Variants in NEBL observed in about 807,000 individuals in gnomAD.
NEBL encodes the protein LIM and SH3 protein 2.
Under a neutral mutation model 140.2 loss-of-function variants are expected in NEBL, and 122 were observed. The ratio of observed to expected loss-of-function variants is 0.87; its 90% confidence interval spans 0.75 to 1.01. NEBL has a LOEUF of 1.01. NEBL is among the 50% of genes least tolerant of loss of function. The probability of loss-of-function intolerance (pLI) is 0.00; values close to 1 mark genes in which losing one functional copy is unlikely to be tolerated. For synonymous variants in NEBL, 436 were observed against 398.9 expected (o/e 1.09, Z -1.11); for missense variants, 1,365 against 1,231.3 (o/e 1.11, Z -1.62).
At chr10:20,899,365 C>T, upstream of NEBL, 1 of 1,297,836 alleles carries the variant, frequency 7.7e-7, no homozygotes. Context: ...ACCTATTCCC[C>T]AAGGTGAATT....
chr10:21,287,657 C>T (rs1031572537), intron 1 of NEBL, among the ~76,000 whole-genome samples: 2 of 151,954 alleles, frequency 1.3e-5, no homozygotes, highest in Non-Finnish European at 2.9e-5. Context: ...CTAATCAAAC[C>T]CCTATAATCC....
intron 4 of NEBL, among the ~76,000 whole-genome samples, chr10:20,929,514 T>C (rs1022518807): frequency 1.3e-5 from 2 of 152,186 alleles, no homozygotes; most frequent in Non-Finnish European, 2.9e-5. Context: ...TCATCACAGA[T>C]GCAGACAGAT....
At chr10:21,120,680 CAAAAAAAAAAA>C (rs66476160) in intron 2 of NEBL, among the ~76,000 whole-genome samples, 3 of 71,236 alleles carry the variant, frequency 4.2e-5, no homozygotes, top group Non-Finnish European at 7.8e-5. Context: ...TTCATGACAG[CAAAAAAAAAAA>C]AAAAAAAAAA....
chr10:21,261,659 A>C (rs1842740866), intron 1 of NEBL, among the ~76,000 whole-genome samples: 1 of 151,880 alleles, frequency 6.6e-6, no homozygotes, highest in African/African-American at 2.4e-5. Context: ...AAAAAAAAAG[A>C]AAGAAAGAAA....
At position 20,845,289 on chromosome 10, in the gene NEBL, T is replaced by A. The variant is rs201990747; in HGVS notation, c.1196A>T (p.His399Leu). Residue 399 changes from histidine to leucine, a missense_variant, in exon 12 of 28, where the codon CAT (histidine) becomes CTT (leucine). By Grantham distance (99) the His-to-Leu change is moderately conservative. Transcript: ENST00000377122. ...CAGAAGGTTGGTGATGTACTTTACATGTAAAAATTCTGGAGTCTTGTCTAA... is the reference window on the plus strand; with the variant it reads ...CAGAAGGTTGGTGATGTACTTTACAAGTAAAAATTCTGGAGTCTTGTCTAA... ...LDLDKTPEFL[H>L]VKYITNLLRE... 3 of 1,595,572 alleles carry A rather than the reference T, an allele frequency of 1.9e-6. No homozygotes were observed. Among genetic ancestry groups the A allele is most frequent in the Middle Eastern group, 1.7e-4 (1 of 6,014 alleles).
intron 4 of NEBL, among the ~76,000 whole-genome samples, chr10:20,919,113 C>T (rs556577115): frequency 1.3e-5 from 2 of 152,156 alleles, no homozygotes; most frequent in South Asian, 4.1e-4. Flanking sequence ...AAATTATGTG[C>T]TATCCTAAAA....
At chr10:20,894,749 C>CT (rs1330110975) in intron 2 of NEBL, among the ~76,000 whole-genome samples, 1 of 69,188 alleles carries the variant, frequency 1.4e-5, no homozygotes, top group Non-Finnish European at 3.0e-5. Context: ...CCCGTCTCTA[C>CT]TAAAAAAAAA....
intron 17 of NEBL, among the ~76,000 whole-genome samples, chr10:20,826,877 CA>C (rs1839933239): frequency 6.6e-6 from 1 of 152,100 alleles, no homozygotes; most frequent in Non-Finnish European, 1.5e-5. Context: ...TGAGAAAAAG[CA>C]GATATTACAA....
chr10:21,237,901 C>G (rs11012607), intron 3 of NEBL, among the ~76,000 whole-genome samples: 13,323 of 152,254 alleles, frequency 0.088, 959 homozygotes, highest in African/African-American at 0.19. Flanking sequence ...GGCACCACAT[C>G]CAGCCATATC....
intron 16 of NEBL, among the ~76,000 whole-genome samples, chr10:20,829,220 A>C (rs531860561): frequency 2.6e-5 from 4 of 152,286 alleles, no homozygotes; most frequent in African/African-American, 9.6e-5. Flanking sequence ...ACTTAAGAAA[A>C]TGTGGCACAT....
intron 4 of NEBL, among the ~76,000 whole-genome samples, chr10:20,911,632 A>G (rs569957264): frequency 3.3e-5 from 5 of 152,330 alleles, no homozygotes; most frequent in Admixed American, 2.0e-4. Flanking sequence ...TCAAGTACAT[A>G]TAAATAAGAA....
chr10:21,288,003 T>G (rs951515904), intron 1 of NEBL, among the ~76,000 whole-genome samples: 1 of 152,218 alleles, frequency 6.6e-6, no homozygotes, highest in Non-Finnish European at 1.5e-5. Flanking sequence ...TGTCTCAATT[T>G]TCTCTTCTGA....
chr10:21,268,962 T>A (rs747635145), intron 1 of NEBL, among the ~76,000 whole-genome samples: 1 of 152,218 alleles, frequency 6.6e-6, no homozygotes, highest in Non-Finnish European at 1.5e-5. Context: ...AGAGCATAAG[T>A]ACCTAAGGGA....
chr10:20,832,551 C>T (rs950921401), intron 14 of NEBL, among the ~76,000 whole-genome samples: 1 of 151,990 alleles, frequency 6.6e-6, no homozygotes, highest in African/African-American at 2.4e-5. Context: ...ATTCAGAAAG[C>T]TGTACATATA....
In NEBL at chr10:21,173,669, C is replaced by T; in HGVS notation, c.69+96G>A. The T allele has an allele frequency of 6.3e-7, 1 of 1,588,568 alleles. No homozygotes were observed. Among genetic ancestry groups the T allele is most frequent in the African/African-American group, 1.3e-5 (1 of 74,670 alleles). On this transcript the variant is annotated intron_variant, in intron 1 of 6. Transcript: ENST00000417816. The surrounding 1 kb of genome is among the most constrained non-coding windows in gnomAD (Gnocchi z 5.7). ...CAAGGCACACGCACACGCACCGACC[C>T]ACTCATTGCTTTCCATCCCAGGTGC...
chr10:21,041,172 A>G (rs1834252010), intron 2 of NEBL, among the ~76,000 whole-genome samples: 1 of 152,178 alleles, frequency 6.6e-6, no homozygotes, highest in Non-Finnish European at 1.5e-5. Flanking sequence ...AATCAGCATA[A>G]TACCTGATAG....
At chr10:20,943,838 C>A (rs988532513) in intron 4 of NEBL, among the ~76,000 whole-genome samples, 3 of 152,176 alleles carry the variant, frequency 2.0e-5, no homozygotes, top group Non-Finnish European at 4.4e-5. Context: ...CTCAAGCAAG[C>A]ATCCTCATAA....
At chr10:21,031,989 C>T (rs1442196523) in intron 2 of NEBL, among the ~76,000 whole-genome samples, 1 of 152,094 alleles carries the variant, frequency 6.6e-6, no homozygotes, top group African/African-American at 2.4e-5. Context: ...ATAAAAAACT[C>T]AAAACTCAAA....
intron 2 of NEBL, among the ~76,000 whole-genome samples, chr10:21,035,333 G>A (rs1337958721): frequency 3.3e-5 from 3 of 90,594 alleles, no homozygotes; most frequent in African/African-American, 8.3e-5. Flanking sequence ...CCTTCCCCCC[G>A]CCCCCCAAAA....
Sources: allele counts gnomAD v4.1 joint callset (sites outside exome capture counted in the v4.1 genomes callset), GRCh38; gene constraint gnomAD v4.1.1; non-coding constraint Gnocchi (gnomAD v3.1); transcripts MANE v1.5; gene names NCBI Gene and HGNC (gene_info 2026-07-23, HGNC 2026-07-21).